Variants in TIAL1 observed in about 807,000 individuals in gnomAD.
TIAL1 encodes the protein nucleolysin TIAR.
A neutral mutation model predicts 59.7 loss-of-function variants in TIAL1; 7 were observed. The observed-to-expected ratio is 0.12, with a 90% CI of 0.07 to 0.22. The LOEUF (loss-of-function observed/expected upper bound fraction) is 0.22, where lower values mean the gene tolerates loss of function less well. TIAL1 is among the 10% of genes least tolerant of loss of function. The pLI is 1.00. For synonymous variants in TIAL1, 149 were observed against 146.3 expected (o/e 1.02, Z -0.13); for missense variants, 225 against 462.5 (o/e 0.49, Z 4.71).
In TIAL1 at chr10:119,596,437, G is replaced by T; in HGVS notation, c.29C>A (p.Thr10Asn). 2 of 1,611,092 alleles carry T rather than the reference G, an allele frequency of 1.2e-6. No individual in the cohort carries two copies. The highest frequency in any genetic ancestry group is 1.7e-6 in the Non-Finnish European group (2 of 1,179,468). MMEDDGQPR[T>N]LYVGNLSRDV... is the part of the protein sequence containing the mutation. ...ACCCCTCGTCTCGGGTACTCACAGA[G>T]TCCGGGGCTGCCCGTCGTCTTCCAT... Residue 10 changes from threonine to asparagine, a missense_variant, in exon 1 of 12, where the codon ACT (threonine) becomes AAT (asparagine). Thr to Asn is a moderately conservative substitution (Grantham distance 65, BLOSUM62 0). Transcript: ENST00000436547.
intron 5 of TIAL1, chr10:119,580,746 A>G (rs947928841): frequency 9.5e-6 from 10 of 1,054,546 alleles, no homozygotes; most frequent in Non-Finnish European, 1.2e-5. Context: ...AATGTATAAT[A>G]AGAATAAATA....
At position 119,591,716 on chromosome 10, in the gene TIAL1, G is replaced by A. The variant is rs868156523; in HGVS notation, c.33-3468C>T. Among the ~76,000 whole-genome samples, 34 of 152,274 alleles carry A rather than the reference G, an allele frequency of 2.2e-4. No homozygotes were observed. In the Middle Eastern group the frequency reaches 0.01, roughly 46 times the overall value. ...ATATCTTAATTTACCAGGATTAAAA[G>A]GCCATGATTCACTATATAATTTCAC... On this transcript the variant is annotated intron_variant, in intron 1 of 11. Transcript: ENST00000436547.
intron 2 of TIAL1, among the ~76,000 whole-genome samples, chr10:119,587,282 C>T (rs1434747543): frequency 1.3e-5 from 2 of 152,198 alleles, no homozygotes; most frequent in African/African-American, 4.8e-5. Flanking sequence ...GTCTCAAGCA[C>T]TCCTGCTCTC....
chr10:119,578,293 C>T (rs959572757), intron 7 of TIAL1, among the ~76,000 whole-genome samples: 1 of 147,978 alleles, frequency 6.8e-6, no homozygotes, highest in Non-Finnish European at 1.5e-5. Flanking sequence ...TTTCTTGATG[C>T]TATGATTTGA....
chr10:119,590,738 A>AAGAGAGAG (rs1388183597), intron 1 of TIAL1, among the ~76,000 whole-genome samples: 2 of 135,708 alleles, frequency 1.5e-5, no homozygotes, highest in African/African-American at 2.8e-5. Flanking sequence ...GAAAGAGAGA[A>AAGAGAGAG]AGAGAGAGAG....
chr10:119,588,131 A>G, intron 2 of TIAL1, 21 bp downstream of exon 2: 6 of 1,427,668 alleles, frequency 4.2e-6, no homozygotes, highest in Non-Finnish European at 5.7e-6. Flanking sequence ...TTGTCAGCAC[A>G]TGGAACTGGG....
In TIAL1 at chr10:119,578,820, C is replaced by A; in HGVS notation, c.462G>T (p.Ala154=). The A allele has an allele frequency of 6.2e-7, 1 of 1,613,920 alleles. No homozygotes were observed. Among genetic ancestry groups the A allele is most frequent in the East Asian group, 2.2e-5 (1 of 44,880 alleles). Residue 154 remains alanine, a synonymous_variant, in exon 7 of 12, where the codon GCG becomes GCT. Coordinates refer to ENST00000436547, the MANE Select transcript of TIAL1 (RefSeq NM_003252.4). The stretch of plus-strand genomic sequence containing the variant: ...ACCACTGACCGCCCATATGCACAAT[C>A]GCATTTTCTGCATCCTATGGATAAA... ...SFYNKLDAEN[A]IVHMGGQWLG... is the part of the protein sequence containing the mutation.
intron 1 of TIAL1, among the ~76,000 whole-genome samples, chr10:119,590,783 A>AGAAAGAAAGAAAGAAG: frequency 7.5e-6 from 1 of 132,686 alleles, no homozygotes. Context: ...AAAGAAAGAA[A>AGAAAGAAAGAAAGAAG]GAAAGAAAGA....
At position 119,579,040 on chromosome 10, in the gene TIAL1, G is replaced by GC. The variant is rs1471551175; in HGVS notation, c.448-207dup. 1.4e-5 allele frequency: 8 copies of GC among 569,466 alleles called. No individual in the cohort carries two copies. The Admixed American group carries it at 2.4e-4, about 17-fold the overall frequency. The allele number at this position is 569,466 out of a possible 1,614,324, so 35.3% of individuals were successfully genotyped here. A position where few individuals can be genotyped will look rare whatever the true frequency, so the allele number is the denominator to read the frequency against. On this transcript the variant is annotated intron_variant, in intron 6 of 11. Transcript: ENST00000436547. ...ATCTAAGCAAAAACAGAATACTCTG[G>GC]CCCTTTATCTTACCACTTCAATAAA...
chr10:119,595,703 G>A (rs375916232), intron 1 of TIAL1, among the ~76,000 whole-genome samples: 1 of 152,186 alleles, frequency 6.6e-6, no homozygotes, highest in South Asian at 2.1e-4. Context: ...TTAGGAAGAG[G>A]CAACACCTAG....
chr10:119,596,766 G>C lies in TIAL1; in HGVS notation c.-301C>G, dbSNP rs1846225602. On this transcript the variant is annotated 5_prime_UTR_variant, in exon 1 of 12. Coordinates refer to ENST00000436547, the MANE Select transcript of TIAL1 (RefSeq NM_003252.4). ...AGGCCAGCCGCGACAGCCTGCAAGGGGGACGACCGAGGGGAGAGAAAAAAG... is the reference window on the plus strand; with the variant it reads ...AGGCCAGCCGCGACAGCCTGCAAGGCGGACGACCGAGGGGAGAGAAAAAAG... 3 of 488,020 alleles carry C rather than the reference G, an allele frequency of 6.1e-6. No individual in the cohort carries two copies. The highest frequency in any genetic ancestry group is 2.3e-5 in the South Asian group (1 of 42,728). The allele number at this position is 488,020 out of a possible 1,614,324, so 30.2% of individuals were successfully genotyped here. A position where few individuals can be genotyped will look rare whatever the true frequency, so the allele number is the denominator to read the frequency against.
rs1180447229 is a variant in TIAL1 at position 119,596,548 on chromosome 10, C to T, written c.-83G>A. The T allele has an allele frequency of 3.4e-6, 3 of 890,132 alleles. No individual in the cohort carries two copies. The highest frequency in any genetic ancestry group is 1.7e-5 in the African/African-American group (1 of 59,864). The allele number at this position is 890,132 out of a possible 1,614,324, so 55.1% of individuals were successfully genotyped here. ...GGGGTGGGGAGGAAGGGGAGGGGGG[C>T]TCTGGGCACCGGCTGGGGACAGAGG... On this transcript the variant is annotated 5_prime_UTR_variant, in exon 1 of 12. Coordinates refer to ENST00000436547, the MANE Select transcript of TIAL1 (RefSeq NM_003252.4).
At chr10:119,575,819 C>G (rs778380561) in intron 11 of TIAL1, 28 bp from the exon 12 acceptor site, 1 of 1,494,870 alleles carries the variant, frequency 6.7e-7, no homozygotes, top group Non-Finnish European at 8.9e-7. Flanking sequence ...AAATCTTCAG[C>G]AAACACAAGA....
intron 1 of TIAL1, 27 bp from the exon 2 acceptor site, chr10:119,588,275 G>A (rs752110835): frequency 6.9e-7 from 1 of 1,442,124 alleles, no homozygotes; most frequent in Non-Finnish European, 9.5e-7. Context: ...TACGTTATCA[G>A]CAATTTTTCC....
rs1844870887 is a variant in TIAL1, at chr10:119,574,586, C to CAAAAAAAAAAACAA, written c.*1078_*1079insTTGTTTTTTTTTTT. ...TATTTACATACCAAGTAATGTAAAG[C>CAAAAAAAAAAACAA]AAAAAAAAAAAAAAAAAAAAACAAA... On this transcript the variant is annotated 3_prime_UTR_variant, in exon 12 of 12. Transcript: ENST00000436547. The CAAAAAAAAAAACAA allele has an allele frequency of 3.5e-5, 3 of 86,544 alleles. No individual in the cohort carries two copies. Among genetic ancestry groups the CAAAAAAAAAAACAA allele is most frequent in the African/African-American group, 1.3e-4 (3 of 23,278 alleles). The allele number at this position is 86,544 out of a possible 1,614,324, so 5.4% of individuals were successfully genotyped here. A position where few individuals can be genotyped will look rare whatever the true frequency, so the allele number is the denominator to read the frequency against.
chr10:119,575,028 C>T lies in TIAL1; in HGVS notation c.*637G>A, dbSNP rs773789171. The T allele has an allele frequency of 6.6e-6, 1 of 152,588 alleles. No homozygotes were observed. Among genetic ancestry groups the T allele is most frequent in the East Asian group, 1.9e-4 (1 of 5,196 alleles). 9.5% of individuals were successfully genotyped at this position (152,588 alleles called of 1,614,324 possible). ...TGGAAGTTTTAAAAATATGTCTTAA[C>T]GTGGACCACCAACATTTGCTCAAGT... On this transcript the variant is annotated 3_prime_UTR_variant, in exon 12 of 12. Transcript: ENST00000436547.
rs73366847 is a variant in TIAL1, at chr10:119,575,645, T to C, written c.*20A>G. The C allele has an allele frequency of 9.1e-4, 1,408 of 1,542,798 alleles. 12 individuals are homozygous for C. In the African/African-American group the frequency reaches 0.017, roughly 18 times the overall value. Reference sequence around the variant, plus strand: ...AATCGAAGCCTATCATGAATTACAATTTTTTTTTAGAGTCCCGGCTCACTG... The same window carrying C: ...AATCGAAGCCTATCATGAATTACAACTTTTTTTTAGAGTCCCGGCTCACTG... On this transcript the variant is annotated 3_prime_UTR_variant, in exon 12 of 12. Transcript: ENST00000436547.
At chr10:119,593,731 A>AG (rs761409454) in intron 1 of TIAL1, among the ~76,000 whole-genome samples, 4 of 152,212 alleles carry the variant, frequency 2.6e-5, no homozygotes, top group Non-Finnish European at 4.4e-5. Context: ...CTTATATCTA[A>AG]TAGAACCCTT....
chr10:119,579,934 C>A lies in TIAL1; in HGVS notation c.447+1G>T. 6.3e-7 allele frequency: 1 copy of A among 1,588,426 alleles called. No individual in the cohort carries two copies. Among genetic ancestry groups the A allele is most frequent in the Non-Finnish European group, 8.5e-7 (1 of 1,169,862 alleles). The stretch of plus-strand genomic sequence containing the variant: ...ATATAAATTGAGATGGAAGAACGTA[C>A]CAGTTTGTTATAAAAAGATACAAAA... On this transcript the variant is annotated splice_donor_variant, in intron 6 of 11. Transcript: ENST00000436547. LOFTEE classifies it high-confidence loss of function.
Sources: allele counts gnomAD v4.1 joint callset (sites outside exome capture counted in the v4.1 genomes callset), GRCh38; gene constraint gnomAD v4.1.1; transcripts MANE v1.5; gene names NCBI Gene and HGNC (gene_info 2026-07-23, HGNC 2026-07-21).